The following RNGTT variants were observed in gnomAD, a reference collection of about 807,000 sequenced individuals.
RNGTT encodes RNA guanylyltransferase and 5'-phosphatase, also known as mRNA-capping enzyme.
Under a neutral mutation model 79.3 loss-of-function variants are expected in RNGTT, and 33 were observed. The observed-to-expected ratio is 0.42, with a 90% CI of 0.32 to 0.56. RNGTT has a LOEUF of 0.56. Ranked by LOEUF, RNGTT falls within the 20% of genes least tolerant of loss-of-function variation. RNGTT has a pLI of 0.17. For missense variants in RNGTT, 497 were observed against 739.1 expected (o/e 0.67, Z 3.80); for synonymous variants, 222 against 235.9 (o/e 0.94, Z 0.54).
intron 13 of RNGTT, among the ~76,000 whole-genome samples, chr6:88,687,941 C>T (rs905519001): frequency 2.6e-5 from 4 of 151,782 alleles, no homozygotes; most frequent in African/African-American, 4.8e-5. Flanking sequence ...ATATACCAAA[C>T]GATCAATTAA....
At chr6:88,946,702 G>A (rs187771692) in intron 1 of RNGTT, among the ~76,000 whole-genome samples, 322 of 151,054 alleles carry the variant, frequency 2.1e-3, no homozygotes, top group African/African-American at 7.0e-3. Flanking sequence ...CCTCTCATGC[G>A]GAGCCGAAGC....
chr6:88,634,660 CA>C (rs748428527), intron 14 of RNGTT, among the ~76,000 whole-genome samples: 2 of 151,832 alleles, frequency 1.3e-5, no homozygotes, highest in Non-Finnish European at 2.9e-5. Flanking sequence ...CTGATAAGAC[CA>C]AAATTCAAAT....
Position 88,756,741 on chromosome 6 carries a change from C to T in RNGTT, c.1439+13033G>A, listed in dbSNP as rs191379144. Among the ~76,000 whole-genome samples the T allele has an allele frequency of 1.8e-3, 279 of 152,208 alleles. 1 individual carries two copies. The highest frequency in any genetic ancestry group is 1.0e-3 in the Non-Finnish European group (69 of 68,006). ...TAATTACATTCTTAATAGATAACCT[C>T]CAGGTTTTAACAAGACAGCATCAAA... is the stretch of plus-strand genomic sequence containing the variant. On this transcript the variant is annotated intron_variant, in intron 13 of 15. Coordinates refer to ENST00000369485, the MANE Select transcript of RNGTT (RefSeq NM_003800.5).
intron 13 of RNGTT, among the ~76,000 whole-genome samples, chr6:88,749,275 C>T (rs951306504): frequency 1.3e-5 from 2 of 151,924 alleles, no homozygotes; most frequent in East Asian, 3.9e-4. Flanking sequence ...CAAATATTGA[C>T]TGTATGTAAC....
At chr6:88,667,225 AG>A (rs34522411) in intron 14 of RNGTT, among the ~76,000 whole-genome samples, 31 of 152,242 alleles carry the variant, frequency 2.0e-4, no homozygotes, top group African/African-American at 7.5e-4. Context: ...TCAAGGCAGA[AG>A]GGGGGCAAGT....
intron 14 of RNGTT, among the ~76,000 whole-genome samples, chr6:88,629,097 GACAA>G (rs1451378431): frequency 6.6e-6 from 1 of 152,114 alleles, no homozygotes; most frequent in Non-Finnish European, 1.5e-5. Flanking sequence ...AAGAAGATAG[GACAA>G]ACAAAGTAGG....
intron 12 of RNGTT, among the ~76,000 whole-genome samples, chr6:88,782,188 T>C (rs909880942): frequency 6.6e-6 from 1 of 152,110 alleles, no homozygotes; most frequent in Non-Finnish European, 1.5e-5. Context: ...TTGAGTGTTC[T>C]TAAATCACTT....
intron 11 of RNGTT, among the ~76,000 whole-genome samples, chr6:88,830,994 A>G (rs1023667624): frequency 9.9e-5 from 15 of 152,226 alleles, no homozygotes; most frequent in African/African-American, 3.6e-4. Context: ...TTCACAGCTG[A>G]ATTCTACCAA....
At chr6:88,843,446 A>T (rs1781369687) in intron 11 of RNGTT, among the ~76,000 whole-genome samples, 2 of 152,036 alleles carry the variant, frequency 1.3e-5, no homozygotes, top group Non-Finnish European at 2.9e-5. Flanking sequence ...TAACATGGCA[A>T]ATCTCTATAC....
intron 14 of RNGTT, among the ~76,000 whole-genome samples, chr6:88,632,536 G>GACAC (rs1300944817): frequency 0.023 from 2,286 of 98,304 alleles, 35 homozygotes; most frequent in African/African-American, 0.062. Context: ...CAGACACACA[G>GACAC]ACACACAGAC....
intron 2 of RNGTT, among the ~76,000 whole-genome samples, chr6:88,939,252 A>G (rs1023615282): frequency 6.6e-6 from 1 of 152,116 alleles, no homozygotes; most frequent in Non-Finnish European, 1.5e-5. Context: ...ATATTTGGCC[A>G]CTTTCTGGTG....
intron 12 of RNGTT, among the ~76,000 whole-genome samples, chr6:88,787,753 GC>G (rs1233267599): frequency 6.6e-6 from 1 of 152,138 alleles, no homozygotes; most frequent in Non-Finnish European, 1.5e-5. Flanking sequence ...AGTGGTTCCA[GC>G]AAGAGGCAAT....
chr6:88,641,372 A>G (rs1313718046), intron 14 of RNGTT, among the ~76,000 whole-genome samples: 1 of 151,780 alleles, frequency 6.6e-6, no homozygotes, highest in African/African-American at 2.4e-5. Flanking sequence ...ACCATGGTGA[A>G]GCTGAAATAT....
chr6:88,749,195 C>T (rs779950812), intron 13 of RNGTT, among the ~76,000 whole-genome samples: 8 of 152,170 alleles, frequency 5.3e-5, no homozygotes, highest in Middle Eastern at 3.4e-3. Flanking sequence ...AATGTAACTA[C>T]TGGCAGAAAA....
At chr6:88,955,579 C>T (rs976559968) in intron 1 of RNGTT, among the ~76,000 whole-genome samples, 7 of 143,558 alleles carry the variant, frequency 4.9e-5, no homozygotes, top group Non-Finnish European at 1.1e-4. Flanking sequence ...CACACCAAAA[C>T]ATCTGAAGGA....
chr6:88,891,235 A>G (rs942739004), intron 7 of RNGTT, among the ~76,000 whole-genome samples: 6 of 152,194 alleles, frequency 3.9e-5, no homozygotes, highest in Admixed American at 1.3e-4. Context: ...TTAGGAATTT[A>G]TATTAGGAAT....
chr6:88,850,541 G>A (rs1427458187), intron 9 of RNGTT, among the ~76,000 whole-genome samples: 1 of 151,848 alleles, frequency 6.6e-6, no homozygotes, highest in Non-Finnish European at 1.5e-5. Flanking sequence ...TAGGAAACCA[G>A]ATAGGTTTTC....
intron 14 of RNGTT, among the ~76,000 whole-genome samples, chr6:88,669,643 A>G (rs2756398): frequency 0.27 from 40,650 of 152,156 alleles, 9,536 homozygotes; most frequent in African/African-American, 0.63. Context: ...GAGTCTCACC[A>G]GGACTGGACG....
At chr6:88,802,281 T>C (rs1255861302) in intron 11 of RNGTT, among the ~76,000 whole-genome samples, 1 of 152,132 alleles carries the variant, frequency 6.6e-6, no homozygotes, top group African/African-American at 2.4e-5. Flanking sequence ...GGTTTTTTTG[T>C]GTCTTTTTTA....
Sources: gnomAD v4.1 joint callset for allele counts (sites outside exome capture counted in the v4.1 genomes callset) on GRCh38, gnomAD v4.1.1 for gene constraint, MANE v1.5 for transcripts, NCBI Gene and HGNC (gene_info 2026-07-23, HGNC 2026-07-21) for gene names.